PARP8: variants seen among roughly 807,000 people sequenced by gnomAD.
PARP8 encodes the protein poly(ADP-ribose) polymerase family member 8.
A neutral mutation model predicts 124.1 loss-of-function variants in PARP8; 51 were observed. The observed-to-expected ratio is 0.41, with a 90% confidence interval of 0.33 to 0.52. The LOEUF (loss-of-function observed/expected upper bound fraction) is 0.52. PARP8 is among the 20% of genes least tolerant of loss of function. PARP8 has a pLI of 0.21. For synonymous variants in PARP8, 391 were observed against 361.5 expected, an observed-to-expected ratio of 1.08 and a Z score of -0.93; for missense variants, 860 against 1,018.9, an observed-to-expected ratio of 0.84 and a Z score of 2.12.
At chr5:50,698,522 A>G (rs1753264202) in intron 2 of PARP8, among the ~76,000 whole-genome samples, 1 of 152,198 alleles carries the variant, frequency 6.6e-6, no homozygotes, top group African/African-American at 2.4e-5. Context: ...ATAAAGCCAT[A>G]ACTTATACCG....
chr5:50,825,722 TACC>T (rs1211924807), intron 18 of PARP8, among the ~76,000 whole-genome samples: 2 of 152,180 alleles, frequency 1.3e-5, no homozygotes, highest in African/African-American at 4.8e-5. Flanking sequence ...CCGTGAGATT[TACC>T]ATACAGTAAT....
chr5:50,759,760 G>C, intron 4 of PARP8, 28 bp downstream of exon 4: 2 of 1,526,532 alleles, frequency 1.3e-6, no homozygotes, highest in Non-Finnish European at 1.7e-6. Context: ...TTTTATACTA[G>C]GTTAATTTTT....
At chr5:50,740,716 G>C (rs1309695733) in intron 2 of PARP8, among the ~76,000 whole-genome samples, 1 of 151,966 alleles carries the variant, frequency 6.6e-6, no homozygotes, top group Non-Finnish European at 1.5e-5. Context: ...GGGAGGCTGA[G>C]GTGGGAGGAT....
intron 4 of PARP8, 89 bp downstream of exon 4, chr5:50,759,821 A>G: frequency 7.4e-7 from 1 of 1,346,642 alleles, no homozygotes; most frequent in Non-Finnish European, 9.8e-7. Flanking sequence ...TTAGCCAGTA[A>G]CAGATATTTA....
At chr5:50,698,130 G>A (rs1753224540) in intron 2 of PARP8, among the ~76,000 whole-genome samples, 1 of 152,214 alleles carries the variant, frequency 6.6e-6, no homozygotes, top group Non-Finnish European at 1.5e-5. Context: ...TGTCATGGAT[G>A]TAGATGGGTG....
Position 50,821,346 on chromosome 5 carries a change from G to A in PARP8, c.1794+8G>A, listed in dbSNP as rs772405653. ...TTGGCCTTCAACCCCAGGGTAAGTT[G>A]TTATCATGGCACACCAATCACAAAG... On this transcript the variant is annotated splice_region_variant and intron_variant, in intron 16 of 25. Transcript: ENST00000281631. 6.8e-6 allele frequency: 11 copies of A among 1,613,796 alleles called. No individual in the cohort carries two copies. The highest frequency in any genetic ancestry group is 6.7e-5 in the Admixed American group (4 of 59,994).
chr5:50,790,358 C>T (rs80305191), intron 10 of PARP8, among the ~76,000 whole-genome samples: 2,007 of 152,170 alleles, frequency 0.013, 56 homozygotes, highest in African/African-American at 0.046. Flanking sequence ...TTGTTTCCTG[C>T]ATTGTGCCCA....
intron 6 of PARP8, among the ~76,000 whole-genome samples, chr5:50,762,502 G>A (rs1760649458): frequency 6.6e-6 from 1 of 152,040 alleles, no homozygotes; most frequent in South Asian, 2.1e-4. Context: ...TATAATATGT[G>A]GTTCTGTTTC....
At chr5:50,668,001 GC>G in intron 1 of PARP8, 69 bp from the exon 2 acceptor site, 1 of 1,609,472 alleles carries the variant, frequency 6.2e-7, no homozygotes, top group Non-Finnish European at 8.5e-7. Flanking sequence ...CGAATGTGGG[GC>G]TCAAGTCCTG....
chr5:50,673,123 T>C (rs1750228338), intron 2 of PARP8, among the ~76,000 whole-genome samples: 1 of 152,220 alleles, frequency 6.6e-6, no homozygotes, highest in Admixed American at 6.5e-5. Context: ...TTTTTAAAAG[T>C]GTGTTCCTTG....
At chr5:50,776,029 G>C (rs1413873088) in intron 7 of PARP8, among the ~76,000 whole-genome samples, 1 of 152,120 alleles carries the variant, frequency 6.6e-6, no homozygotes, top group Non-Finnish European at 1.5e-5. Context: ...GTCAGCTGTA[G>C]GTTTGTAAAT....
At chr5:50,671,274 A>C (rs1749973935) in intron 2 of PARP8, among the ~76,000 whole-genome samples, 1 of 152,158 alleles carries the variant, frequency 6.6e-6, no homozygotes, top group Non-Finnish European at 1.5e-5. Context: ...TTAGTGGTAG[A>C]AGGAACAGAA....
At chr5:50,691,234 T>C (rs1379611820) in intron 2 of PARP8, among the ~76,000 whole-genome samples, 1 of 152,238 alleles carries the variant, frequency 6.6e-6, no homozygotes, top group African/African-American at 2.4e-5. Context: ...GCTTCTTTTT[T>C]CCTCCCCTCC....
chr5:50,791,986 T>G (rs754243650), intron 10 of PARP8, among the ~76,000 whole-genome samples: 1 of 152,228 alleles, frequency 6.6e-6, no homozygotes, highest in African/African-American at 2.4e-5. Flanking sequence ...CTCTAGTGCA[T>G]AGTTTTTTGA....
Position 50,844,308 on chromosome 5 carries a change from G to C in PARP8, c.*2240G>C, listed in dbSNP as rs879345805. ...GACAGATTTTGTTTCAAACAATTGC[G>C]TCAGAACCTTTGTAAGCAAATATTC... On this transcript the variant is annotated 3_prime_UTR_variant, in exon 26 of 26. Coordinates refer to ENST00000281631, the MANE Select transcript of PARP8 (RefSeq NM_024615.4). The C allele has an allele frequency of 6.6e-6, 1 of 151,718 alleles. No individual in the cohort carries two copies. The highest frequency in any genetic ancestry group is 1.5e-5 in the Non-Finnish European group (1 of 67,804). 9.4% of individuals were successfully genotyped at this position (151,718 alleles called of 1,614,324 possible). A position where few individuals can be genotyped will look rare whatever the true frequency, so the allele number is the denominator to read the frequency against.
At chr5:50,711,186 G>A (rs1419800880) in intron 2 of PARP8, among the ~76,000 whole-genome samples, 1 of 152,128 alleles carries the variant, frequency 6.6e-6, no homozygotes, top group East Asian at 1.9e-4. Context: ...TAGGCCAATT[G>A]TAGAGCTAAG....
intron 7 of PARP8, among the ~76,000 whole-genome samples, chr5:50,777,198 A>G (rs1277692276): frequency 6.6e-6 from 1 of 152,188 alleles, no homozygotes; most frequent in Non-Finnish European, 1.5e-5. Context: ...TAAAGCGGAG[A>G]TGGCAGTAGT....
chr5:50,678,893 ATTC>A (rs1561233538), intron 2 of PARP8, among the ~76,000 whole-genome samples: 1 of 152,174 alleles, frequency 6.6e-6, no homozygotes, highest in Non-Finnish European at 1.5e-5. Flanking sequence ...CATTAGCCCA[ATTC>A]TTGTTGTGAG....
intron 1 of PARP8, chr5:50,667,743 G>C: frequency 4.2e-6 from 3 of 707,338 alleles, no homozygotes; most frequent in South Asian, 3.0e-5. Context: ...CCTGCCTGGG[G>C]GTCGCCTTTC....
Sources: allele counts gnomAD v4.1 joint callset (sites outside exome capture counted in the v4.1 genomes callset), GRCh38; gene constraint gnomAD v4.1.1; transcripts MANE v1.5; gene names NCBI Gene and HGNC (gene_info 2026-07-23, HGNC 2026-07-21).